Variants in TANC2 observed in about 807,000 individuals in gnomAD.
The protein encoded by TANC2 is tetratricopeptide repeat, ankyrin repeat and coiled-coil containing 2, also known as protein TANC2.
TANC2 carries 26 observed loss-of-function variants against 210.5 expected under a neutral mutation model. The observed-to-expected ratio is 0.12, with a 90% CI of 0.09 to 0.17. The LOEUF (loss-of-function observed/expected upper bound fraction) is 0.17, where lower values mean the gene tolerates loss of function less well. Ranked by LOEUF, TANC2 falls within the 10% of genes least tolerant of loss-of-function variation. TANC2 has a pLI of 1.00. For synonymous variants in TANC2, 931 were observed against 967.1 expected (o/e 0.96, Z 0.69); for missense variants, 2,129 against 2,608.9 (o/e 0.82, Z 4.01).
chr17:63,029,308 A>T (rs950209951), intron 2 of TANC2, among the ~76,000 whole-genome samples: 15 of 152,170 alleles, frequency 9.9e-5, no homozygotes, highest in African/African-American at 3.6e-4. Flanking sequence ...TAATTATTGT[A>T]AAGCTGCTTA....
chr17:63,354,938 T>C, exon 14 of TANC2: 7 of 1,613,834 alleles, frequency 4.3e-6, no homozygotes, highest in Non-Finnish European at 5.9e-6. Context: ...AAATGGACAA[T>C]ACTACATTTG....
intron 12 of TANC2, among the ~76,000 whole-genome samples, chr17:63,340,543 A>G (rs1332141633): frequency 6.6e-6 from 1 of 152,082 alleles, no homozygotes; most frequent in Non-Finnish European, 1.5e-5. Flanking sequence ...CTTTATAAAA[A>G]TTCTTATTCT....
intron 7 of TANC2, among the ~76,000 whole-genome samples, chr17:63,212,083 A>G (rs1203665123): frequency 6.6e-6 from 1 of 152,010 alleles, no homozygotes; most frequent in African/African-American, 2.4e-5. Flanking sequence ...CCTGTGTCCA[A>G]GTGTTCTCAT....
intron 8 of TANC2, among the ~76,000 whole-genome samples, chr17:63,265,367 A>G (rs1002501981): frequency 5.9e-5 from 9 of 152,196 alleles, no homozygotes; most frequent in African/African-American, 2.2e-4. Context: ...AACCTATATC[A>G]GTCTTCTTAA....
chr17:63,196,778 C>T (rs558982101), intron 6 of TANC2, among the ~76,000 whole-genome samples: 1 of 152,210 alleles, frequency 6.6e-6, no homozygotes, highest in Admixed American at 6.5e-5. Flanking sequence ...TATTAAATAC[C>T]TACTGTGTAC....
intron 9 of TANC2, among the ~76,000 whole-genome samples, chr17:63,312,264 G>T (rs150107241): frequency 6.6e-6 from 1 of 152,078 alleles, no homozygotes; most frequent in Non-Finnish European, 1.5e-5. Context: ...ATATGCATGC[G>T]TATGTTCATT....
At chr17:63,045,359 C>T (rs1345540206) in intron 2 of TANC2, among the ~76,000 whole-genome samples, 2 of 152,158 alleles carry the variant, frequency 1.3e-5, no homozygotes, top group African/African-American at 4.8e-5. Flanking sequence ...TGTCTTAAAA[C>T]GTTCCCTTTG....
intron 2 of TANC2, among the ~76,000 whole-genome samples, chr17:63,030,180 G>C (rs1050074870): frequency 4.5e-4 from 68 of 152,170 alleles, no homozygotes; most frequent in African/African-American, 1.5e-3. Flanking sequence ...TGAACTTTAT[G>C]TTAAAATTTG....
intron 9 of TANC2, among the ~76,000 whole-genome samples, chr17:63,270,083 A>G (rs1457676491): frequency 1.3e-5 from 2 of 152,100 alleles, no homozygotes; most frequent in Admixed American, 6.6e-5. Flanking sequence ...AGAACATGCC[A>G]TCCAGCTGGG....
At chr17:63,305,480 G>A (rs556064675) in intron 9 of TANC2, 1 of 152,308 alleles carries the variant, frequency 6.6e-6, no homozygotes, top group East Asian at 1.9e-4. Context: ...TTCAATGGGA[G>A]CCTCTGATCG....
chr17:63,108,732 C>T (rs62076634), intron 4 of TANC2, among the ~76,000 whole-genome samples: 2 of 151,522 alleles, frequency 1.3e-5, no homozygotes, highest in Non-Finnish European at 2.9e-5. Context: ...TCCCTTGAAC[C>T]CGTGAGGCAG....
chr17:63,265,954 CCTT>C (rs1307625060), intron 8 of TANC2, among the ~76,000 whole-genome samples: 1 of 152,004 alleles, frequency 6.6e-6, no homozygotes, highest in Non-Finnish European at 1.5e-5. Context: ...AAAGATTATT[CCTT>C]CTTCTTTTTG....
At chr17:63,175,533 CAAAA>C (rs57220783) in intron 5 of TANC2, among the ~76,000 whole-genome samples, 1,143 of 103,356 alleles carry the variant, frequency 0.011, 14 homozygotes, top group African/African-American at 0.019. Flanking sequence ...TCTCCCCCGC[CAAAA>C]AAAAAAAAAA....
intron 2 of TANC2, among the ~76,000 whole-genome samples, chr17:63,038,225 C>T (rs1218223581): frequency 6.6e-6 from 1 of 152,122 alleles, no homozygotes; most frequent in African/African-American, 2.4e-5. Flanking sequence ...TAGTTTTCTT[C>T]AAGTGCTAAT....
At chr17:63,175,041 A>C (rs928481228) in intron 5 of TANC2, among the ~76,000 whole-genome samples, 3 of 152,194 alleles carry the variant, frequency 2.0e-5, no homozygotes, top group Non-Finnish European at 4.4e-5. Flanking sequence ...GTAAAATAGC[A>C]ATTTCCCCAA....
At chr17:63,223,125 G>T (rs1287352401) in intron 7 of TANC2, among the ~76,000 whole-genome samples, 2 of 152,156 alleles carry the variant, frequency 1.3e-5, no homozygotes, top group African/African-American at 2.4e-5. Context: ...ATTTGAGGGG[G>T]TGGGCATGAT....
intron 1 of TANC2, among the ~76,000 whole-genome samples, chr17:62,991,726 A>C: frequency 6.6e-6 from 1 of 152,268 alleles, no homozygotes; most frequent in African/African-American, 2.4e-5. Context: ...TAACATATAC[A>C]TTGTATTATG....
At chr17:63,242,380 T>A (rs2042797660) in intron 8 of TANC2, among the ~76,000 whole-genome samples, 1 of 151,868 alleles carries the variant, frequency 6.6e-6, no homozygotes, top group Non-Finnish European at 1.5e-5. Flanking sequence ...TCTGATTCTT[T>A]AAAATATATC....
At chr17:63,399,031 A>G (rs1176406434) in intron 19 of TANC2, 117 bp downstream of exon 19, 5 of 645,074 alleles carry the variant, frequency 7.8e-6, no homozygotes, top group Non-Finnish European at 1.3e-5. Context: ...AGGCTTTTGT[A>G]ATGCAGACTG....
Sources: gnomAD v4.1 joint callset for allele counts (sites outside exome capture counted in the v4.1 genomes callset) on GRCh38, gnomAD v4.1.1 for gene constraint, MANE v1.5 for transcripts, NCBI Gene and HGNC (gene_info 2026-07-23, HGNC 2026-07-21) for gene names.